The following BRF1 variants were observed in gnomAD, a reference collection of about 807,000 sequenced individuals.
BRF1 encodes BRF1 general transcription factor IIIB subunit, also known as transcription factor IIIB 90 kDa subunit.
Under a neutral mutation model 81.7 loss-of-function variants are expected in BRF1, and 59 were observed. The ratio of observed to expected loss-of-function variants is 0.72; its 90% CI spans 0.59 to 0.90. The LOEUF (loss-of-function observed/expected upper bound fraction) is 0.90. Among genes scored for constraint, BRF1 ranks in the 40% least tolerant of loss-of-function variants. The pLI is 0.00. For missense variants in BRF1, 1,050 were observed against 936.3 expected (o/e 1.12, Z -1.58); for synonymous variants, 491 against 395.6 (o/e 1.24, Z -2.86).
chr14:105,273,249 G>C (rs2056736060), intron 2 of BRF1, among the ~76,000 whole-genome samples: 1 of 152,154 alleles, frequency 6.6e-6, no homozygotes, highest in Admixed American at 6.5e-5. Context: ...ACTGCCCTGG[G>C]CTACAGTGGG....
Position 105,256,521 on chromosome 14 carries a change from G to C in BRF1, c.468C>G (p.Leu156=), listed in dbSNP as rs138068993. ...ATGCAGGACGGAGGCTGTCTACCTG[G>C]AGCAGGTCGCTGAGGTCCAGGAGCA... ...PHMLLDLSDL[L]QVNVYVLGKT... The change falls in exon 4 of 18, where the codon CTC becomes CTG. Residue 156 remains leucine (L), a synonymous_variant. Transcript: ENST00000547530. 500 of 1,614,004 alleles carry C rather than the reference G, an allele frequency of 3.1e-4. 1 individual carries two copies. The highest frequency in any genetic ancestry group is 3.9e-4 in the Non-Finnish European group (461 of 1,180,050).
chr14:105,225,349 C>G (rs2141544034), intron 10 of BRF1, among the ~76,000 whole-genome samples: 1 of 152,300 alleles, frequency 6.6e-6, no homozygotes, highest in East Asian at 1.9e-4. Context: ...TCAAAGAAAC[C>G]TGAAAAGCTA....
intron 3 of BRF1, among the ~76,000 whole-genome samples, chr14:105,257,225 C>A (rs1397390530): frequency 6.6e-6 from 1 of 152,212 alleles, no homozygotes; most frequent in Non-Finnish European, 1.5e-5. Context: ...GGTTAATACA[C>A]TCTGCCAGAC....
intron 5 of BRF1, chr14:105,242,286 C>G (rs1434518920): frequency 6.6e-6 from 1 of 152,134 alleles, no homozygotes; most frequent in Non-Finnish European, 1.5e-5. Flanking sequence ...TGTGCACCCA[C>G]AACTAAAGAT....
intron 1 of BRF1, among the ~76,000 whole-genome samples, chr14:105,287,253 T>C (rs964558320): frequency 1.3e-5 from 2 of 152,152 alleles, no homozygotes; most frequent in African/African-American, 2.4e-5. Context: ...GTTCACCAGG[T>C]TCACCAGCCC....
intron 1 of BRF1, among the ~76,000 whole-genome samples, chr14:105,295,471 A>G (rs965248423): frequency 1.3e-5 from 2 of 151,846 alleles, no homozygotes; most frequent in Admixed American, 1.3e-4. Context: ...AGCTGGGTAT[A>G]GTAGGGCGCA....
Position 105,298,747 on chromosome 14 carries a change from T to A in BRF1, c.184+1699A>T, listed in dbSNP as rs147479956. Among the ~76,000 whole-genome samples, 689 of 151,732 alleles carry A rather than the reference T, an allele frequency of 4.5e-3. 5 individuals are homozygous for A. The highest frequency in any genetic ancestry group is 0.016 in the African/African-American group (656 of 41,308). On this transcript the variant is annotated intron_variant, in intron 1 of 17. Coordinates refer to ENST00000547530, the MANE Select transcript of BRF1 (RefSeq NM_001519.4). ...GCGCACGCCTGTAATCCCAGGTACT[T>A]GGGAGGCTGAGGCACGAGAATCACT...
chr14:105,229,723 C>G (rs1469876790), intron 6 of BRF1, among the ~76,000 whole-genome samples: 1 of 70,980 alleles, frequency 1.4e-5, no homozygotes, highest in East Asian at 4.2e-4. Flanking sequence ...CACCACTGTC[C>G]GCGTAGTCGC....
At chr14:105,252,239 C>T (rs192914567) in intron 5 of BRF1, among the ~76,000 whole-genome samples, 5 of 152,278 alleles carry the variant, frequency 3.3e-5, no homozygotes, top group African/African-American at 1.2e-4. Flanking sequence ...CTTTGGGAGG[C>T]GAAGGCACGA....
At chr14:105,220,160 C>A in intron 11 of BRF1, 30 bp from the exon 12 acceptor site, 1 of 1,612,728 alleles carries the variant, frequency 6.2e-7, no homozygotes. Context: ...CCGCGTCACT[C>A]AGGGCCAGCA....
intron 11 of BRF1, 23 bp from the exon 12 acceptor site, chr14:105,220,153 C>A (rs766439371): frequency 6.2e-7 from 1 of 1,612,864 alleles, no homozygotes; most frequent in African/African-American, 1.3e-5. Flanking sequence ...ACAGCATCCG[C>A]GTCACTCAGG....
intron 5 of BRF1, chr14:105,246,927 G>A: frequency 4.1e-6 from 4 of 985,400 alleles, no homozygotes; most frequent in Non-Finnish European, 4.8e-6. Flanking sequence ...CAGGTCTTGT[G>A]TGCTGCTGTA....
chr14:105,242,034 C>T (rs967311661), intron 5 of BRF1: 1 of 153,134 alleles, frequency 6.5e-6, no homozygotes, highest in Non-Finnish European at 1.5e-5. Context: ...CAGCGCTCCC[C>T]TATGCCGAGC....
intron 3 of BRF1, among the ~76,000 whole-genome samples, chr14:105,265,045 C>CTTTCTTTT (rs2056339435): frequency 7.4e-6 from 1 of 135,176 alleles, no homozygotes; most frequent in Non-Finnish European, 1.6e-5. Context: ...TCTACTTATC[C>CTTTCTTTT]TTTTTTTTGT....
Position 105,226,632 on chromosome 14 carries a change from A to G in BRF1, c.915+2T>C. On this transcript the variant is annotated splice_donor_variant, in intron 8 of 17. Coordinates refer to ENST00000547530, the MANE Select transcript of BRF1 (RefSeq NM_001519.4). LOFTEE classifies it high-confidence loss of function. ...ACAGACAGACACCAAAGCCGGCGCT[A>G]CCTGCTTCATCCGCAGCTTCCTCTG... is the stretch of plus-strand genomic sequence containing the variant. The G allele has an allele frequency of 6.2e-7, 1 of 1,613,022 alleles. No individual in the cohort carries two copies.
In BRF1 at chr14:105,210,509, C is replaced by A; in HGVS notation, c.*42G>T. 1 of 1,605,754 alleles carries A rather than the reference C, an allele frequency of 6.2e-7. No individual in the cohort carries two copies. The highest frequency in any genetic ancestry group is 8.5e-7 in the Non-Finnish European group (1 of 1,178,744). On this transcript the variant is annotated 3_prime_UTR_variant, in exon 18 of 18. Transcript: ENST00000547530. This position sits in a 1 kb window ranked among gnomAD's most constrained non-coding sequence, Gnocchi z 4.7. ...GCCCGTCTGATGCTGAGGAGACCCG[C>A]GAGGCCCCCTGCCAGGACATCACCT...
At chr14:105,262,968 C>T (rs921425851) in intron 3 of BRF1, among the ~76,000 whole-genome samples, 5 of 151,624 alleles carry the variant, frequency 3.3e-5, no homozygotes, top group Admixed American at 3.3e-4. Context: ...TGGCTGGACA[C>T]GGTGGCTCAC....
intron 5 of BRF1, chr14:105,250,290 G>A (rs374693076): frequency 1.4e-5 from 22 of 1,613,056 alleles, no homozygotes; most frequent in Non-Finnish European, 1.9e-5. Flanking sequence ...CGCTGCGACA[G>A]CATCCAGTTT....
upstream of BRF1, among the ~76,000 whole-genome samples, chr14:105,304,249 T>C (rs1344039702): frequency 2.0e-5 from 3 of 152,118 alleles, no homozygotes; most frequent in Non-Finnish European, 4.4e-5. Flanking sequence ...CCCAGCACTT[T>C]GGGAGGCTGA....
Sources: gnomAD v4.1 joint callset for allele counts (sites outside exome capture counted in the v4.1 genomes callset) on GRCh38, gnomAD v4.1.1 for gene constraint, Gnocchi (gnomAD v3.1) non-coding constraint, MANE v1.5 for transcripts, NCBI Gene and HGNC (gene_info 2026-07-23, HGNC 2026-07-21) for gene names.